MAP3K7: variants seen among roughly 807,000 people sequenced by gnomAD.
MAP3K7 encodes the protein TGF-beta activated kinase 1.
In MAP3K7, 21 loss-of-function variants were observed where a neutral mutation model predicts 84.8. The observed-to-expected ratio is 0.25, with a 90% CI of 0.18 to 0.36. MAP3K7 has a LOEUF of 0.36. Among genes scored for constraint, MAP3K7 ranks in the 10% least tolerant of loss-of-function variants. The pLI is 1.00. For synonymous variants in MAP3K7, 241 were observed against 247.7 expected (o/e 0.97, Z 0.25); for missense variants, 503 against 747.7 (o/e 0.67, Z 3.82).
Position 90,516,130 on chromosome 6 carries a change from T to C in MAP3K7, c.*371A>G, listed in dbSNP as rs1044241845. On this transcript the variant is annotated 3_prime_UTR_variant, in exon 17 of 17. Transcript: ENST00000369329. ...TACAAGAATAAAGTCATTCTTGAGG[T>C]TCCACCTCTAATATGAAAAAATGGA... 1 of 201,550 alleles carries C rather than the reference T, an allele frequency of 5.0e-6. No individual in the cohort carries two copies. The highest frequency in any genetic ancestry group is 2.4e-5 in the African/African-American group (1 of 42,470). 12.5% of individuals were successfully genotyped at this position (201,550 alleles called of 1,614,324 possible).
rs760608455 is a variant in MAP3K7 at position 90,516,560 on chromosome 6, A to G, written c.1762T>C (p.Cys588Arg). ...CTGATGACCTCTAGTTGTTTTTTGCATTGCTGGTAGTAAGTAGAAAGGCTT... is the reference window on the plus strand; with the variant it reads ...CTGATGACCTCTAGTTGTTTTTTGCGTTGCTGGTAGTAAGTAGAAAGGCTT... ...NKSLSTYYQQ[C>R]KKQLEVIRSQ... is the part of the protein sequence containing the mutation. Residue 588 changes from cysteine (C) to arginine (R), a missense_variant, in exon 17 of 17, where the codon TGC becomes CGC. By Grantham distance (180) the Cys-to-Arg change is radical. This residue lies in a region of MAP3K7 where 43 missense variants were observed against 47.3 expected (regional missense o/e 0.91). Transcript: ENST00000369329. 2.5e-6 allele frequency: 4 copies of G among 1,612,538 alleles called. No homozygotes were observed. The highest frequency in any genetic ancestry group is 1.7e-5 in the Admixed American group (1 of 59,850).
At chr6:90,532,029 A>G (rs1298638429) in intron 13 of MAP3K7, among the ~76,000 whole-genome samples, 2 of 152,204 alleles carry the variant, frequency 1.3e-5, no homozygotes, top group Non-Finnish European at 2.9e-5. Flanking sequence ...GAATTATTCA[A>G]AACTATTACA....
rs1419241928 is a variant in MAP3K7 at position 90,563,934 on chromosome 6, AT to A, written c.298-2268del. Reference sequence around the variant, plus strand: ...ATAGTCAACATTCTTAAAGAAAAGAATTTTCAACCCAGAATTTCATATCCAG... The same window carrying A: ...ATAGTCAACATTCTTAAAGAAAAGAATTTCAACCCAGAATTTCATATCCAG... On this transcript the variant is annotated intron_variant, in intron 3 of 16. Transcript: ENST00000369329. Among the ~76,000 whole-genome samples the A allele has an allele frequency of 2.6e-5, 4 of 152,288 alleles. 1 individual carries two copies. Among genetic ancestry groups the A allele is most frequent in the African/African-American group, 9.6e-5 (4 of 41,572 alleles).
intron 2 of MAP3K7, among the ~76,000 whole-genome samples, chr6:90,569,382 C>T (rs572013416): frequency 4.6e-5 from 7 of 152,256 alleles, no homozygotes; most frequent in Admixed American, 4.6e-4. Flanking sequence ...AGCTGGTTTC[C>T]CTCTTTCAGT....
intron 12 of MAP3K7, chr6:90,542,621 T>G (rs1255189905): frequency 6.6e-6 from 2 of 304,830 alleles, no homozygotes; most frequent in African/African-American, 4.5e-5. Flanking sequence ...AGATCTGGGT[T>G]GGGGTCCTGG....
At chr6:90,586,590 G>A (rs1268087964) in intron 1 of MAP3K7, among the ~76,000 whole-genome samples, 174 bp downstream of exon 1, 1 of 152,198 alleles carries the variant, frequency 6.6e-6, no homozygotes, top group Non-Finnish European at 1.5e-5. Flanking sequence ...GAGCAGTTGA[G>A]CTCAGAGAGT....
chr6:90,585,850 CTA>C (rs1221307596), intron 1 of MAP3K7, among the ~76,000 whole-genome samples: 2 of 152,186 alleles, frequency 1.3e-5, no homozygotes, highest in Admixed American at 6.5e-5. Context: ...GTAGACCAGT[CTA>C]TGTTACTTAT....
intron 1 of MAP3K7, among the ~76,000 whole-genome samples, chr6:90,583,002 C>A (rs1395156610): frequency 6.6e-6 from 1 of 151,692 alleles, no homozygotes; most frequent in Non-Finnish European, 1.5e-5. Flanking sequence ...CATGCCTCAG[C>A]CACTCAAGTA....
chr6:90,546,048 A>G (rs1775990600), intron 11 of MAP3K7, among the ~76,000 whole-genome samples: 1 of 152,178 alleles, frequency 6.6e-6, no homozygotes, highest in South Asian at 2.1e-4. Context: ...CAGCACAGAA[A>G]TAGGAGACCA....
chr6:90,527,256 CT>C, intron 13 of MAP3K7, among the ~76,000 whole-genome samples: 1 of 151,906 alleles, frequency 6.6e-6, no homozygotes, highest in Non-Finnish European at 1.5e-5. Flanking sequence ...AAGAGAATTT[CT>C]TTTTCTTTCT....
At chr6:90,517,810 T>A (rs1368841327) in intron 16 of MAP3K7, among the ~76,000 whole-genome samples, 1 of 151,782 alleles carries the variant, frequency 6.6e-6, no homozygotes. Flanking sequence ...ATGAAGGGAA[T>A]CCTATTATCA....
At chr6:90,578,110 T>C (rs141564043) in intron 1 of MAP3K7, among the ~76,000 whole-genome samples, 1 of 152,340 alleles carries the variant, frequency 6.6e-6, no homozygotes, top group Non-Finnish European at 1.5e-5. Flanking sequence ...AAGTATTACA[T>C]GGAAATTATC....
rs1490898069 is a variant in MAP3K7, at chr6:90,587,052, G to A, written c.-169C>T. ...AGCGGCCACAGCCGTGTCCGGCTCT[G>A]GCTCCGCTGCGTTTTCCGCCGACGG... On this transcript the variant is annotated 5_prime_UTR_variant, in exon 1 of 17. Coordinates refer to ENST00000369329, the MANE Select transcript of MAP3K7 (RefSeq NM_145331.3). The A allele has an allele frequency of 1.3e-6, 1 of 760,334 alleles. No homozygotes were observed. The allele number at this position is 760,334 out of a possible 1,614,324, so 47.1% of individuals were successfully genotyped here.
chr6:90,517,981 CTG>C (rs1165376229), intron 16 of MAP3K7, among the ~76,000 whole-genome samples: 1 of 151,652 alleles, frequency 6.6e-6, no homozygotes, highest in Non-Finnish European at 1.5e-5. Flanking sequence ...GGAAATTAGG[CTG>C]TGTTTCTTTA....
chr6:90,519,636 A>G (rs1284287092), intron 14 of MAP3K7, among the ~76,000 whole-genome samples: 3 of 151,988 alleles, frequency 2.0e-5, no homozygotes, highest in Non-Finnish European at 4.4e-5. Flanking sequence ...TTATATTTTA[A>G]ATTCAGTCTT....
At chr6:90,575,672 G>A (rs1777050958) in intron 1 of MAP3K7, among the ~76,000 whole-genome samples, 1 of 152,084 alleles carries the variant, frequency 6.6e-6, no homozygotes, top group Non-Finnish European at 1.5e-5. Context: ...CTGTGGGATG[G>A]TAGCTAGCTC....
chr6:90,543,125 T>A (rs1775904231), intron 12 of MAP3K7, among the ~76,000 whole-genome samples: 1 of 152,080 alleles, frequency 6.6e-6, no homozygotes. Flanking sequence ...CTCTTTAAAG[T>A]ACGTCCCTTA....
At chr6:90,568,672 C>A in intron 2 of MAP3K7, 49 bp from the exon 3 acceptor site, 1 of 1,335,388 alleles carries the variant, frequency 7.5e-7, no homozygotes, top group Non-Finnish European at 1.1e-6. Flanking sequence ...TTTTGAAGTA[C>A]TGATTTCACA....
At chr6:90,519,762 A>G (rs1775088048) in intron 14 of MAP3K7, among the ~76,000 whole-genome samples, 1 of 152,018 alleles carries the variant, frequency 6.6e-6, no homozygotes, top group Admixed American at 6.6e-5. Context: ...GAAAGGGAGA[A>G]AGCAGAGACA....
Sources: allele counts gnomAD v4.1 joint callset (sites outside exome capture counted in the v4.1 genomes callset), GRCh38; gene constraint gnomAD v4.1.1; regional missense constraint gnomAD v4.1.1; transcripts MANE v1.5; gene names NCBI Gene and HGNC (gene_info 2026-07-23, HGNC 2026-07-21).